Variants in GREM2 observed in about 807,000 individuals in gnomAD.
The protein encoded by GREM2 is gremlin 2, DAN family BMP antagonist, also known as gremlin-2.
In GREM2, 11 loss-of-function variants were observed where a neutral mutation model predicts 14.2. The ratio of observed to expected loss-of-function variants is 0.78; its 90% confidence interval spans 0.49 to 1.28. The LOEUF (loss-of-function observed/expected upper bound fraction) is 1.28. Among genes scored for constraint, GREM2 ranks in the 50% most tolerant of loss-of-function variants. The pLI, the probability that GREM2 is intolerant of heterozygous loss-of-function variation, is 0.00. For missense variants in GREM2, 210 were observed against 218.5 expected (o/e 0.96, Z 0.24); for synonymous variants, 98 against 97.6 (o/e 1.00, Z -0.02).
At chr1:240,595,941 C>T (rs1017776265) in intron 1 of GREM2, among the ~76,000 whole-genome samples, 6 of 152,150 alleles carry the variant, frequency 3.9e-5, no homozygotes, top group Admixed American at 2.0e-4. Context: ...TTCTGGAGAA[C>T]GAGGATAACA....
At chr1:240,599,928 T>C (rs1679888487) in intron 1 of GREM2, among the ~76,000 whole-genome samples, 4 of 152,236 alleles carry the variant, frequency 2.6e-5, no homozygotes, top group Non-Finnish European at 5.9e-5. Context: ...ACAAACTTTG[T>C]TGCATTTATA....
At chr1:240,568,292 C>T (rs1220184651) in intron 1 of GREM2, among the ~76,000 whole-genome samples, 1 of 151,856 alleles carries the variant, frequency 6.6e-6, no homozygotes, top group East Asian at 1.9e-4. Context: ...TTAAAATATG[C>T]ACTATAAATT....
rs554711706 is a variant in GREM2 at position 240,492,006 on chromosome 1, C to T, written c.*963G>A. ...TAGGTGCATGACAGTGAATTGCTGA[C>T]CAGGCATTTTTTTTTCTGAGTAAGA... On this transcript the variant is annotated 3_prime_UTR_variant, in exon 2 of 2. Coordinates refer to ENST00000318160, the MANE Select transcript of GREM2 (RefSeq NM_022469.4). The T allele has an allele frequency of 3.6e-5, 7 of 192,220 alleles. No individual in the cohort carries two copies. The East Asian group carries it at 8.9e-4, about 25-fold the overall frequency. The allele number at this position is 192,220 out of a possible 1,614,324, so 11.9% of individuals were successfully genotyped here. A position where few individuals can be genotyped will look rare whatever the true frequency, so the allele number is the denominator to read the frequency against.
intron 1 of GREM2, among the ~76,000 whole-genome samples, chr1:240,518,575 A>G (rs1212937606): frequency 6.6e-6 from 1 of 152,234 alleles, no homozygotes. Context: ...TCAAGAGTTA[A>G]CAACTGACAT....
rs549953474 is a variant in GREM2 at position 240,494,774 on chromosome 1, G to A, written c.-1-1298C>T. On this transcript the variant is annotated intron_variant, in intron 1 of 1. Coordinates refer to ENST00000318160, the MANE Select transcript of GREM2 (RefSeq NM_022469.4). ...AAATTAGCCAGGCGTGGTGGCGGGCGCCTGTAGTCCCAGCTACTTGGGAGG... is the reference window on the plus strand; with the variant it reads ...AAATTAGCCAGGCGTGGTGGCGGGCACCTGTAGTCCCAGCTACTTGGGAGG... Among the ~76,000 whole-genome samples, 75 of 152,192 alleles carry A rather than the reference G, an allele frequency of 4.9e-4. No individual in the cohort carries two copies. The South Asian group carries it at 0.014, about 28-fold the overall frequency.
chr1:240,505,515 G>A (rs1414336675), intron 1 of GREM2, among the ~76,000 whole-genome samples: 1 of 151,962 alleles, frequency 6.6e-6, no homozygotes, highest in Admixed American at 6.6e-5. Flanking sequence ...TTACCTTTTT[G>A]TATTTAATAA....
chr1:240,497,782 A>G (rs1016492887), intron 1 of GREM2, among the ~76,000 whole-genome samples: 4 of 152,136 alleles, frequency 2.6e-5, no homozygotes, highest in Non-Finnish European at 5.9e-5. Flanking sequence ...CCACGCTTCC[A>G]GCTGGCTCAG....
At chr1:240,590,928 C>T (rs568604851) in intron 1 of GREM2, among the ~76,000 whole-genome samples, 21 of 151,976 alleles carry the variant, frequency 1.4e-4, no homozygotes, top group South Asian at 6.3e-4. Flanking sequence ...ATTACAGGCA[C>T]GCGCCTCCAT....
At chr1:240,508,161 G>C (rs2103286298) in intron 1 of GREM2, among the ~76,000 whole-genome samples, 1 of 152,304 alleles carries the variant, frequency 6.6e-6, no homozygotes, top group South Asian at 2.1e-4. Flanking sequence ...CATCAGGGTA[G>C]AGACTAAGTC....
intron 1 of GREM2, among the ~76,000 whole-genome samples, chr1:240,576,579 A>T (rs1293220879): frequency 6.6e-6 from 1 of 152,186 alleles, no homozygotes; most frequent in African/African-American, 2.4e-5. Context: ...GCTGCCAAAC[A>T]ACCCTGGTTG....
intron 1 of GREM2, among the ~76,000 whole-genome samples, chr1:240,500,359 C>T (rs1007261864): frequency 3.4e-4 from 52 of 151,642 alleles, no homozygotes; most frequent in Admixed American, 1.4e-3. Flanking sequence ...AGTGCAGTGG[C>T]GCGATCTTGG....
chr1:240,532,562 G>A (rs990005377), intron 1 of GREM2, among the ~76,000 whole-genome samples: 1 of 151,950 alleles, frequency 6.6e-6, no homozygotes, highest in Non-Finnish European at 1.5e-5. Context: ...CCAGATTTAA[G>A]GAAGAAATAG....
At chr1:240,577,289 T>C (rs928727936) in intron 1 of GREM2, among the ~76,000 whole-genome samples, 2 of 151,946 alleles carry the variant, frequency 1.3e-5, no homozygotes, top group Non-Finnish European at 2.9e-5. Context: ...GAAAAAGTCC[T>C]AAAATTAAAA....
chr1:240,516,438 T>G (rs1677958899), intron 1 of GREM2, among the ~76,000 whole-genome samples: 1 of 152,224 alleles, frequency 6.6e-6, no homozygotes, highest in South Asian at 2.1e-4. Context: ...TTTATTTGTA[T>G]TCTATTGTTC....
intron 1 of GREM2, among the ~76,000 whole-genome samples, chr1:240,562,941 TGTGA>T (rs757126589): frequency 1.1e-3 from 160 of 143,546 alleles, no homozygotes; most frequent in African/African-American, 1.7e-3. Context: ...TGTGTGAGTG[TGTGA>T]GTGTGTATGT....
At chr1:240,502,208 A>G (rs1677584226) in intron 1 of GREM2, among the ~76,000 whole-genome samples, 1 of 152,100 alleles carries the variant, frequency 6.6e-6, no homozygotes, top group South Asian at 2.1e-4. Flanking sequence ...AATCAAAAAT[A>G]TCCTGTCCAT....
At chr1:240,594,960 G>A (rs761729245) in intron 1 of GREM2, among the ~76,000 whole-genome samples, 2 of 152,090 alleles carry the variant, frequency 1.3e-5, no homozygotes, top group Non-Finnish European at 2.9e-5. Context: ...GAATTTTTCA[G>A]CTCCATTATA....
At chr1:240,605,073 A>G (rs575197213) in intron 1 of GREM2, among the ~76,000 whole-genome samples, 2 of 152,270 alleles carry the variant, frequency 1.3e-5, no homozygotes, top group South Asian at 2.1e-4. Flanking sequence ...TTGCTAGCCA[A>G]TCGGGACAAA....
intron 1 of GREM2, among the ~76,000 whole-genome samples, chr1:240,571,262 C>T (rs1446394030): frequency 6.6e-6 from 1 of 152,192 alleles, no homozygotes; most frequent in Non-Finnish European, 1.5e-5. Flanking sequence ...GTCTATACAT[C>T]TAGGTTTATT....
Sources: gnomAD v4.1 joint callset for allele counts (sites outside exome capture counted in the v4.1 genomes callset) on GRCh38, gnomAD v4.1.1 for gene constraint, MANE v1.5 for transcripts, NCBI Gene and HGNC (gene_info 2026-07-23, HGNC 2026-07-21) for gene names.